The following USP38 variants were observed in gnomAD, a reference collection of about 807,000 sequenced individuals.
The protein encoded by USP38 is ubiquitin specific peptidase 38.
Under a neutral mutation model 94.3 loss-of-function variants are expected in USP38, and 49 were observed. The observed-to-expected ratio is 0.52, with a 90% CI of 0.41 to 0.66. USP38 has a LOEUF of 0.66. Ranked by LOEUF, USP38 falls within the 30% of genes least tolerant of loss-of-function variation. The pLI is 0.00. For missense variants in USP38, 1,128 were observed against 1,229.4 expected (o/e 0.92, Z 1.23); for synonymous variants, 468 against 463.6 (o/e 1.01, Z -0.12).
chr4:143,204,410 TGG>T, intron 5 of USP38: 1 of 452,520 alleles, frequency 2.2e-6, no homozygotes, highest in South Asian at 1.6e-5. Context: ...TTTTTTTTTT[TGG>T]ACAGTCTTGC....
At chr4:143,188,002 G>A (rs1158343059) in intron 2 of USP38, 41 bp downstream of exon 2, 2 of 1,561,428 alleles carry the variant, frequency 1.3e-6, no homozygotes, top group African/African-American at 2.8e-5. Flanking sequence ...TGTAGATTTG[G>A]GGAAGAGGAA....
Position 143,185,478 on chromosome 4 carries a change from A to C in USP38, c.28A>C (p.Ser10Arg), listed in dbSNP as rs570292644. The part of the protein sequence containing the change: MDKILEGLV[S>R]SSHPLPLKRV... ...GGACAAGATCCTGGAGGGCCTTGTG[A>C]GTTCCTCGCATCCCCTGCCCCTCAA... The change falls in exon 1 of 10, where the codon AGT (serine) becomes CGT (arginine). Residue 10 changes from serine to arginine, a missense_variant. Coordinates refer to ENST00000307017, the MANE Select transcript of USP38 (RefSeq NM_032557.6). 6.2e-7 allele frequency: 1 copy of C among 1,600,472 alleles called. No individual in the cohort carries two copies. The highest frequency in any genetic ancestry group is 1.1e-5 in the South Asian group (1 of 88,516).
At chr4:143,206,975 C>T (rs1731886291) in intron 6 of USP38, among the ~76,000 whole-genome samples, 1 of 152,214 alleles carries the variant, frequency 6.6e-6, no homozygotes, top group African/African-American at 2.4e-5. Context: ...CATGTATAAA[C>T]AGACATGTTC....
intron 2 of USP38, among the ~76,000 whole-genome samples, chr4:143,189,576 C>T (rs1049021875): frequency 4.6e-5 from 7 of 152,012 alleles, no homozygotes; most frequent in African/African-American, 1.7e-4. Flanking sequence ...CTTTTCACTT[C>T]ATTGTTTAAA....
At position 143,195,731 on chromosome 4, in the gene USP38, A is replaced by G. The variant is rs377307108; in HGVS notation, c.834A>G (p.Leu278=). ...TQALCRMIDW[L]SWPLAQHVDT... Reference sequence around the variant, plus strand: ...TCAATTTCAGAATGATTGACTGGCTATCCTGGCCATTGGCTCAGCATGTGG... The same window carrying G: ...TCAATTTCAGAATGATTGACTGGCTGTCCTGGCCATTGGCTCAGCATGTGG... Residue 278 remains leucine (L), a synonymous_variant, in exon 3 of 10, where the codon CTA becomes CTG. Transcript: ENST00000307017. The G allele has an allele frequency of 1.9e-5, 30 of 1,601,468 alleles. No homozygotes were observed. Among genetic ancestry groups the G allele is most frequent in the South Asian group, 4.5e-5 (4 of 88,092 alleles).
chr4:143,209,434 G>A, intron 6 of USP38, 130 bp from the exon 7 acceptor site: 1 of 519,580 alleles, frequency 1.9e-6, no homozygotes, highest in Non-Finnish European at 3.3e-6. Context: ...AGGTTTCGGT[G>A]AGCTGAGATT....
intron 7 of USP38, among the ~76,000 whole-genome samples, chr4:143,211,167 C>T (rs923941592): frequency 6.6e-6 from 1 of 152,022 alleles, no homozygotes; most frequent in Non-Finnish European, 1.5e-5. Flanking sequence ...GGTTTCCCTC[C>T]TCCTCCCAAG....
In USP38 at chr4:143,186,022, A is replaced by G; in HGVS notation, c.572A>G (p.Tyr191Cys). The change falls in exon 1 of 10, where the codon TAT (tyrosine) becomes TGT (cysteine). Residue 191 changes from tyrosine to cysteine, a missense_variant. Tyr to Cys is a radical substitution (Grantham distance 194). Transcript: ENST00000307017. ...VSTQERELREYVSQVTKVSNL... is the reference protein window; with the variant it reads ...VSTQERELRECVSQVTKVSNL... ...ACCCAGGAAAGAGAGCTGCGGGAAT[A>G]TGTCTCCCAGGTGACAAAAGTGAGT... The G allele has an allele frequency of 3.1e-6, 5 of 1,614,164 alleles. No individual in the cohort carries two copies. Among genetic ancestry groups the G allele is most frequent in the Non-Finnish European group, 4.2e-6 (5 of 1,180,036 alleles).
chr4:143,187,095 T>G (rs1731248633), intron 1 of USP38, among the ~76,000 whole-genome samples: 1 of 152,220 alleles, frequency 6.6e-6, no homozygotes, highest in East Asian at 1.9e-4. Flanking sequence ...TTGTTTTTTT[T>G]TCTTATTGTA....
chr4:143,196,909 C>T (rs1249204470), intron 3 of USP38, among the ~76,000 whole-genome samples: 1 of 152,104 alleles, frequency 6.6e-6, no homozygotes, highest in Admixed American at 6.5e-5. Context: ...TCCCTCTCAG[C>T]CCATATCCTA....
chr4:143,202,237 G>A (rs1332203662), intron 4 of USP38, among the ~76,000 whole-genome samples: 5 of 152,298 alleles, frequency 3.3e-5, no homozygotes, highest in African/African-American at 4.8e-5. Context: ...ATTAGTACCT[G>A]TGATGGAGGT....
intron 2 of USP38, among the ~76,000 whole-genome samples, chr4:143,190,106 G>A (rs1731353279): frequency 6.6e-6 from 1 of 152,014 alleles, no homozygotes; most frequent in South Asian, 2.1e-4. Context: ...ACTTTTGTCA[G>A]TGTGACTGTA....
At chr4:143,215,139 A>G in intron 9 of USP38, 196 bp downstream of exon 9, 1 of 588,820 alleles carries the variant, frequency 1.7e-6, no homozygotes, top group Non-Finnish European at 2.9e-6. Flanking sequence ...AAAAGTGGCA[A>G]TTAGATGTAA....
rs553628984 is a variant in USP38 at position 143,188,713 on chromosome 4, C to G, written c.818+752C>G. 2.6e-5 allele frequency among the ~76,000 whole-genome samples: 4 copies of G among 152,164 alleles called. No homozygotes were observed. The South Asian group carries it at 8.3e-4, about 32-fold the overall frequency. On this transcript the variant is annotated intron_variant, in intron 2 of 9. Coordinates refer to ENST00000307017, the MANE Select transcript of USP38 (RefSeq NM_032557.6). The stretch of plus-strand genomic sequence containing the variant: ...TCAAACCACACTTACTGAGTACTTA[C>G]CATGAGTGCCAGGCAGTGTTCAAAA...
chr4:143,203,607 T>C (rs1247070371), intron 5 of USP38, 41 bp downstream of exon 5: 1 of 1,571,268 alleles, frequency 6.4e-7, no homozygotes, highest in Non-Finnish European at 8.6e-7. Flanking sequence ...AGTTGTGTTA[T>C]ATTAATAAGG....
intron 5 of USP38, among the ~76,000 whole-genome samples, chr4:143,205,083 A>C (rs1485264864): frequency 3.3e-5 from 5 of 152,136 alleles, no homozygotes. Flanking sequence ...CTCTTTCTAC[A>C]TTGTCCCTGG....
chr4:143,195,465 CA>C (rs1731516533), intron 2 of USP38, among the ~76,000 whole-genome samples: 1 of 152,118 alleles, frequency 6.6e-6, no homozygotes, highest in African/African-American at 2.4e-5. Context: ...TGCGTTTATG[CA>C]AAATAATTTA....
intron 9 of USP38, among the ~76,000 whole-genome samples, chr4:143,216,385 T>C (rs1732182161): frequency 6.6e-6 from 1 of 152,154 alleles, no homozygotes; most frequent in East Asian, 1.9e-4. Flanking sequence ...AAATTTTATA[T>C]TAAGGTATTT....
chr4:143,215,289 G>A (rs1732155339), intron 9 of USP38: 1 of 236,280 alleles, frequency 4.2e-6, no homozygotes, highest in Non-Finnish European at 8.3e-6. Context: ...ACTGCTAAAT[G>A]TGGTATTTAT....
Sources: gnomAD v4.1 joint callset for allele counts (sites outside exome capture counted in the v4.1 genomes callset) on GRCh38, gnomAD v4.1.1 for gene constraint, MANE v1.5 for transcripts, NCBI Gene and HGNC (gene_info 2026-07-23, HGNC 2026-07-21) for gene names.